The following PLEKHA6 variants were observed in gnomAD, a reference collection of about 807,000 sequenced individuals.
The protein encoded by PLEKHA6 is pleckstrin homology domain-containing family A member 6.
A neutral mutation model predicts 116.7 loss-of-function variants in PLEKHA6; 60 were observed. The ratio of observed to expected loss-of-function variants is 0.51; its 90% CI spans 0.42 to 0.64. PLEKHA6 has a LOEUF of 0.64. PLEKHA6 is among the 30% of genes least tolerant of loss of function. The pLI, the probability that PLEKHA6 is intolerant of heterozygous loss-of-function variation, is 0.00. For synonymous variants in PLEKHA6, 489 were observed against 556.1 expected (o/e 0.88, Z 1.70); for missense variants, 1,338 against 1,422.7 (o/e 0.94, Z 0.96).
chr1:204,346,671 C>A, intron 1 of PLEKHA6: 1 of 690,518 alleles, frequency 1.4e-6, no homozygotes. Flanking sequence ...TGACCCATCA[C>A]CTCAGAAACA....
rs4076530 is a variant in PLEKHA6, at chr1:204,228,529, C to T, written c.2885+199G>A. 0.52 allele frequency among the ~76,000 whole-genome samples: 78,430 copies of T among 151,898 alleles called. 20,891 individuals carry two copies. Among genetic ancestry groups the T allele is most frequent in the African/African-American group, 0.66 (27,229 of 41,420 alleles). ...TTTTGTCTCGATGGTGTGGTGTGCACGAGCCTGGCAGGTCTTAGTAGCACC... is the reference window on the plus strand; with the variant it reads ...TTTTGTCTCGATGGTGTGGTGTGCATGAGCCTGGCAGGTCTTAGTAGCACC... On this transcript the variant is annotated intron_variant, in intron 20 of 22. Coordinates refer to ENST00000272203, the MANE Select transcript of PLEKHA6 (RefSeq NM_014935.5). This position sits in a 1 kb window ranked among gnomAD's most constrained non-coding sequence, Gnocchi z 4.0.
chr1:204,245,109 G>A (rs1211847806), intron 14 of PLEKHA6, 106 bp from the exon 15 acceptor site: 5 of 772,084 alleles, frequency 6.5e-6, no homozygotes, highest in South Asian at 4.8e-5. Flanking sequence ...ATCCAGGGAT[G>A]TGGAAGGGCA....
intron 1 of PLEKHA6, among the ~76,000 whole-genome samples, chr1:204,308,583 A>G (rs1437405442): frequency 6.6e-6 from 1 of 152,104 alleles, no homozygotes; most frequent in Non-Finnish European, 1.5e-5. Context: ...TAAATAAGGT[A>G]ACATGTATAC....
chr1:204,368,049 C>A (rs1673694797), intron 2 of PLEKHA6, among the ~76,000 whole-genome samples: 1 of 152,196 alleles, frequency 6.6e-6, no homozygotes, highest in African/African-American at 2.4e-5. Context: ...AGATTCCCAG[C>A]AAATAATGAG....
At chr1:204,313,506 G>A (rs1671741011) in intron 1 of PLEKHA6, 1 of 938,568 alleles carries the variant, frequency 1.1e-6, no homozygotes, top group Admixed American at 6.2e-5. Context: ...ACAGCCAGGA[G>A]TTCAGAGCTC....
intron 1 of PLEKHA6, among the ~76,000 whole-genome samples, chr1:204,326,259 T>G (rs1180420303): frequency 6.6e-6 from 1 of 152,136 alleles, no homozygotes; most frequent in Non-Finnish European, 1.5e-5. Context: ...ACTCAGCTCC[T>G]CTCTCCCTTA....
Position 204,222,036 on chromosome 1 carries a change from C to CTCTCTCTCTCTTTCTG in PLEKHA6, c.*751_*752insCAGAAAGAGAGAGAGA, listed in dbSNP as rs1659698609. 6.5e-6 allele frequency: 1 copy of CTCTCTCTCTCTTTCTG among 152,924 alleles called. No homozygotes were observed. Among genetic ancestry groups the CTCTCTCTCTCTTTCTG allele is most frequent in the Non-Finnish European group, 1.5e-5 (1 of 68,858 alleles). The allele number at this position is 152,924 out of a possible 1,614,324, so 9.5% of individuals were successfully genotyped here. ...ACTCTGAGGATCTCTCTCTCTCTCT[C>CTCTCTCTCTCTTTCTG]TCTCTCTCTCTCTTTCTGTCTCTCT... On this transcript the variant is annotated 3_prime_UTR_variant, in exon 23 of 23. Transcript: ENST00000272203.
At chr1:204,282,759 T>C in intron 1 of PLEKHA6, 1 of 985,302 alleles carries the variant, frequency 1.0e-6, no homozygotes, top group Non-Finnish European at 1.2e-6. Flanking sequence ...ACTGGGGCAA[T>C]CCAGCTCCCT....
At chr1:204,347,919 A>G (rs919397037) in intron 1 of PLEKHA6, among the ~76,000 whole-genome samples, 1 of 152,172 alleles carries the variant, frequency 6.6e-6, no homozygotes, top group African/African-American at 2.4e-5. Context: ...AGCACTGGGC[A>G]TGCTCTCCTT....
chr1:204,326,990 C>T (rs560215233), intron 1 of PLEKHA6: 1 of 985,302 alleles, frequency 1.0e-6, no homozygotes, highest in East Asian at 1.1e-4. Context: ...GTACGGCAGC[C>T]TCTGTAGTAG....
At chr1:204,342,923 TCCAAATAGAACGCCAGATCGCAGA>T (rs1410292834) in intron 1 of PLEKHA6, among the ~76,000 whole-genome samples, 4 of 152,178 alleles carry the variant, frequency 2.6e-5, no homozygotes, top group African/African-American at 9.7e-5. Flanking sequence ...CAAGAGATTT[TCCAAATAGAACGCCAGATCGCAGA>T]ACAGCATTAT....
intron 9 of PLEKHA6, chr1:204,251,458 A>G: frequency 2.9e-6 from 2 of 681,770 alleles, no homozygotes; most frequent in Non-Finnish European, 2.7e-6. Flanking sequence ...CTCATCCTAG[A>G]TGGGCAACTC....
intron 1 of PLEKHA6, among the ~76,000 whole-genome samples, chr1:204,276,182 A>G (rs572274991): frequency 1.3e-5 from 2 of 152,264 alleles, no homozygotes; most frequent in Admixed American, 6.5e-5. Flanking sequence ...AAAGACATGC[A>G]GGAGATAAAA....
chr1:204,326,940 C>G (rs1364119041), intron 1 of PLEKHA6: 1 of 981,564 alleles, frequency 1.0e-6, no homozygotes, highest in African/African-American at 1.7e-5. Flanking sequence ...CTGGGGCCTC[C>G]GCACTTAGGC....
chr1:204,218,955 G>T lies in PLEKHA6; in HGVS notation c.*3833C>A, dbSNP rs921883645. On this transcript the variant is annotated 3_prime_UTR_variant, in exon 23 of 23. Transcript: ENST00000272203. ...TTCAGTACCTAAATCTAAAAAGAAT[G>T]CTGCTGAAAGGGGGAAGCAAACTCT... 6.6e-6 allele frequency: 1 copy of T among 152,540 alleles called. No individual in the cohort carries two copies. The highest frequency in any genetic ancestry group is 6.5e-5 in the Admixed American group (1 of 15,276). 9.4% of individuals were successfully genotyped at this position (152,540 alleles called of 1,614,324 possible). A position where few individuals can be genotyped will look rare whatever the true frequency, so the allele number is the denominator to read the frequency against.
intron 1 of PLEKHA6, among the ~76,000 whole-genome samples, chr1:204,334,522 T>C (rs1672571877): frequency 6.6e-6 from 1 of 152,214 alleles, no homozygotes; most frequent in Admixed American, 6.5e-5. Context: ...CATGTATACA[T>C]TGTGAAATGA....
At chr1:204,338,317 G>A (rs550236060) in intron 1 of PLEKHA6, among the ~76,000 whole-genome samples, 69 of 152,318 alleles carry the variant, frequency 4.5e-4, no homozygotes, top group African/African-American at 1.6e-3. Flanking sequence ...TTTTACATAT[G>A]TGAAAGAATA....
At chr1:204,364,014 CT>C (rs1276280631), upstream of PLEKHA6, among the ~76,000 whole-genome samples, 1 of 152,208 alleles carries the variant, frequency 6.6e-6, no homozygotes, top group Non-Finnish European at 1.5e-5. Context: ...GAGTCACTTC[CT>C]AAATACCCTG....
chr1:204,253,671 A>AT (rs1419156688), intron 9 of PLEKHA6, among the ~76,000 whole-genome samples: 1 of 151,972 alleles, frequency 6.6e-6, no homozygotes, highest in Non-Finnish European at 1.5e-5. Flanking sequence ...ACAAAAAAAA[A>AT]TTTTTTAATT....
Sources: allele counts gnomAD v4.1 joint callset (sites outside exome capture counted in the v4.1 genomes callset), GRCh38; gene constraint gnomAD v4.1.1; non-coding constraint Gnocchi (gnomAD v3.1); transcripts MANE v1.5; gene names NCBI Gene and HGNC (gene_info 2026-07-23, HGNC 2026-07-21).